Variants in KDM4C observed in about 807,000 individuals in gnomAD.
The protein encoded by KDM4C is lysine-specific demethylase 4C.
In KDM4C, 81 loss-of-function variants were observed where a neutral mutation model predicts 129.3. The observed-to-expected ratio is 0.63, with a 90% CI of 0.52 to 0.75. The LOEUF (loss-of-function observed/expected upper bound fraction) is 0.75, where lower values mean the gene tolerates loss of function less well. KDM4C is among the 30% of genes least tolerant of loss of function. KDM4C has a pLI of 0.00. For missense variants in KDM4C, 1,457 were observed against 1,304.0 expected (o/e 1.12, Z -1.81); for synonymous variants, 573 against 456.1 (o/e 1.26, Z -3.26).
chr9:6,802,497 A>G lies in KDM4C; in HGVS notation c.145-3102A>G, dbSNP rs55741633. Among the ~76,000 whole-genome samples the G allele has an allele frequency of 7.2e-3, 1,097 of 152,376 alleles. 14 individuals carry two copies. Among genetic ancestry groups the G allele is most frequent in the African/African-American group, 0.025 (1,042 of 41,588 alleles). Reference sequence around the variant, plus strand: ...TTAATAGCATTATTTGCAATAGCCAATAATTAGAAAAAGCCACATGCCCAT... The same window carrying G: ...TTAATAGCATTATTTGCAATAGCCAGTAATTAGAAAAAGCCACATGCCCAT... On this transcript the variant is annotated intron_variant, in intron 2 of 21. Coordinates refer to ENST00000381309, the MANE Select transcript of KDM4C (RefSeq NM_015061.6).
chr9:6,840,156 T>TC (rs1836647010), intron 4 of KDM4C, among the ~76,000 whole-genome samples: 2 of 152,010 alleles, frequency 1.3e-5, no homozygotes. Flanking sequence ...CACTGCAGCC[T>TC]TGACCTCCCA....
intron 19 of KDM4C, among the ~76,000 whole-genome samples, chr9:7,129,578 C>G (rs1840394125): frequency 6.6e-6 from 1 of 152,084 alleles, no homozygotes; most frequent in East Asian, 1.9e-4. Context: ...CTGTGTGTCA[C>G]TTACTTACCA....
chr9:6,981,641 C>G (rs756565133), intron 9 of KDM4C, among the ~76,000 whole-genome samples: 1 of 152,146 alleles, frequency 6.6e-6, no homozygotes, highest in African/African-American at 2.4e-5. Flanking sequence ...TCCTTGTGAA[C>G]TTTATTCTCC....
intron 7 of KDM4C, among the ~76,000 whole-genome samples, chr9:6,889,024 G>A (rs1296808262): frequency 3.1e-5 from 1 of 31,782 alleles, no homozygotes; most frequent in Non-Finnish European, 6.3e-5. Context: ...TCCCGACCTC[G>A]TGATCCGCCC....
intron 4 of KDM4C, among the ~76,000 whole-genome samples, chr9:6,846,306 A>G (rs1588662611): frequency 6.6e-6 from 1 of 152,220 alleles, no homozygotes; most frequent in African/African-American, 2.4e-5. Context: ...TCATTTGGGA[A>G]TAACATTACC....
intron 17 of KDM4C, among the ~76,000 whole-genome samples, chr9:7,075,068 C>G (rs943743972): frequency 2.6e-5 from 4 of 152,098 alleles, no homozygotes; most frequent in African/African-American, 7.2e-5. Context: ...GGATATGAAA[C>G]AACTTTCTCC....
chr9:6,785,333 C>G, intron 1 of KDM4C, among the ~76,000 whole-genome samples: 1 of 145,318 alleles, frequency 6.9e-6, no homozygotes, highest in Non-Finnish European at 1.5e-5. Context: ...GTCTCTTCTC[C>G]TCTTCCTCTT....
chr9:6,925,073 C>T (rs191512352), intron 8 of KDM4C: 10 of 985,298 alleles, frequency 1.0e-5, no homozygotes, highest in Non-Finnish European at 1.2e-5. Flanking sequence ...AACATGCATC[C>T]TTTTTAAAAT....
At chr9:7,048,638 TAAAC>T (rs1476614923) in intron 16 of KDM4C, among the ~76,000 whole-genome samples, 1 of 152,112 alleles carries the variant, frequency 6.6e-6, no homozygotes, top group Admixed American at 6.6e-5. Context: ...TTTTGCTACT[TAAAC>T]AAGTTTGCTT....
chr9:6,814,555 A>C (rs1831729985), intron 3 of KDM4C, 76 bp from the exon 4 acceptor site: 1 of 881,952 alleles, frequency 1.1e-6, no homozygotes, highest in South Asian at 2.0e-5. Context: ...TTAGAAAGTG[A>C]TTTAAATCAA....
intron 11 of KDM4C, among the ~76,000 whole-genome samples, chr9:6,988,655 G>GCCATCCAT (rs3072728): frequency 7.4e-4 from 110 of 149,232 alleles, no homozygotes; most frequent in African/African-American, 2.7e-3. Flanking sequence ...ATTTTTTAAA[G>GCCATCCAT]CCATCCATCC....
chr9:6,942,484 A>T (rs936765237), intron 8 of KDM4C: 63 of 151,088 alleles, frequency 4.2e-4, no homozygotes, highest in African/African-American at 1.4e-3. Context: ...GGAAGATGGC[A>T]GCCTCTTTGA....
intron 1 of KDM4C, among the ~76,000 whole-genome samples, chr9:6,768,056 T>G (rs541377223): frequency 7.9e-5 from 12 of 152,242 alleles, no homozygotes; most frequent in Non-Finnish European, 1.6e-4. Context: ...GGTTCTCACT[T>G]TTAGCCTTTA....
intron 19 of KDM4C, among the ~76,000 whole-genome samples, chr9:7,153,974 T>C (rs1842935462): frequency 6.6e-6 from 1 of 152,108 alleles, no homozygotes; most frequent in African/African-American, 2.4e-5. Context: ...CTGAGAGAAT[T>C]CTCTCTTCTA....
chr9:6,810,731 C>CAA (rs1298692713), intron 3 of KDM4C, among the ~76,000 whole-genome samples: 1 of 151,858 alleles, frequency 6.6e-6, no homozygotes, highest in Non-Finnish European at 1.5e-5. Context: ...ATTAGCCATG[C>CAA]ATGGTGGCAT....
At chr9:6,873,738 C>T (rs1173093904) in intron 5 of KDM4C, among the ~76,000 whole-genome samples, 1 of 152,170 alleles carries the variant, frequency 6.6e-6, no homozygotes, top group East Asian at 1.9e-4. Flanking sequence ...TCATTGTGTT[C>T]ATTGTTGTAG....
intron 4 of KDM4C, among the ~76,000 whole-genome samples, chr9:6,825,516 C>G (rs748096005): frequency 1.1e-4 from 16 of 152,234 alleles, no homozygotes; most frequent in Middle Eastern, 3.4e-3. Flanking sequence ...TCTGAAAGAA[C>G]GAATCACCTT....
intron 17 of KDM4C, among the ~76,000 whole-genome samples, chr9:7,055,577 C>A (rs1199342223): frequency 6.6e-6 from 1 of 152,156 alleles, no homozygotes; most frequent in Admixed American, 6.5e-5. Context: ...AATAGTGAAC[C>A]TGCAAGCCAA....
Position 6,849,691 on chromosome 9 carries a change from C to T in KDM4C, c.620C>T (p.Pro207Leu). Residue 207 changes from proline (P) to leucine (L), a missense_variant, in exon 5 of 22, where the codon CCC (proline) becomes CTC (leucine). By Grantham distance (98) the Pro-to-Leu change is moderately conservative. Coordinates refer to ENST00000381309, the MANE Select transcript of KDM4C (RefSeq NM_015061.6). ...YSINYLHFGE[P>L]KSWYAIPPEH... is the part of the protein sequence containing the mutation. Reference sequence around the variant, plus strand: ...ATTAATTATCTCCACTTTGGAGAGCCCAAGTCTTGGCAAGTTACTTGTTTA... The same window carrying T: ...ATTAATTATCTCCACTTTGGAGAGCTCAAGTCTTGGCAAGTTACTTGTTTA... 6.4e-7 allele frequency: 1 copy of T among 1,557,974 alleles called. No individual in the cohort carries two copies. Among genetic ancestry groups the T allele is most frequent in the Non-Finnish European group, 8.7e-7 (1 of 1,144,154 alleles).
Sources: gnomAD v4.1 joint callset for allele counts (sites outside exome capture counted in the v4.1 genomes callset) on GRCh38, gnomAD v4.1.1 for gene constraint, MANE v1.5 for transcripts, NCBI Gene and HGNC (gene_info 2026-07-23, HGNC 2026-07-21) for gene names.